The following DISP1 variants were observed in gnomAD, a reference collection of about 807,000 sequenced individuals.
DISP1 encodes the protein protein dispatched homolog 1.
A neutral mutation model predicts 37.3 loss-of-function variants in DISP1; 30 were observed. That is an observed-to-expected ratio of 0.80 (90% confidence interval 0.60 to 1.09). DISP1 has a LOEUF of 1.09. Ranked by LOEUF, DISP1 falls within the 50% of genes least tolerant of loss-of-function variation. DISP1 has a pLI of 0.00. For missense variants in DISP1, 1,598 were observed against 1,879.5 expected, an observed-to-expected ratio of 0.85 and a Z score of 2.77; for synonymous variants, 634 against 690.2, an observed-to-expected ratio of 0.92 and a Z score of 1.28.
chr1:222,874,633 C>T (rs1012631474), intron 1 of DISP1, among the ~76,000 whole-genome samples: 1 of 152,080 alleles, frequency 6.6e-6, no homozygotes, highest in Non-Finnish European at 1.5e-5. Context: ...GACTTCTCTG[C>T]ATTGGTTATT....
At chr1:222,828,858 A>G (rs1480533619) in intron 1 of DISP1, among the ~76,000 whole-genome samples, 3 of 152,220 alleles carry the variant, frequency 2.0e-5, no homozygotes, top group African/African-American at 7.2e-5. Context: ...AAGTACTTAA[A>G]TACAACAATT....
rs1054424270 is a variant in DISP1 at position 222,829,485 on chromosome 1, C to T, written c.-159+14407C>T. ...CATGAGATAGAGTCCTACTCTGTTG[C>T]CCAGGCTGGAGTGCAGTGGCACGAT... is the stretch of plus-strand genomic sequence containing the variant. On this transcript the variant is annotated intron_variant, in intron 1 of 8. Coordinates refer to ENST00000675850, the MANE Select transcript of DISP1 (RefSeq NM_001377229.1). Among the ~76,000 whole-genome samples the T allele has an allele frequency of 5.3e-5, 8 of 151,694 alleles. No individual in the cohort carries two copies. The South Asian group carries it at 1.2e-3, about 24-fold the overall frequency.
chr1:222,986,023 T>C (rs574050210), intron 4 of DISP1, among the ~76,000 whole-genome samples: 2 of 152,290 alleles, frequency 1.3e-5, no homozygotes, highest in African/African-American at 4.8e-5. Flanking sequence ...CAGAAAAGAA[T>C]ACACCAACGG....
chr1:222,979,509 T>C (rs1347272711), intron 3 of DISP1: 1 of 409,982 alleles, frequency 2.4e-6, no homozygotes, highest in East Asian at 7.3e-5. Flanking sequence ...AATTGTACAC[T>C]TAATTGGGTG....
chr1:222,902,766 A>G (rs112834948), intron 1 of DISP1, among the ~76,000 whole-genome samples: 26,714 of 152,018 alleles, frequency 0.18, 2,730 homozygotes, highest in Admixed American at 0.28. Flanking sequence ...ATCTCACACC[A>G]GTTAGAATGG....
At chr1:222,993,061 C>T (rs547539862) in intron 7 of DISP1, among the ~76,000 whole-genome samples, 2 of 152,018 alleles carry the variant, frequency 1.3e-5, no homozygotes, top group South Asian at 2.1e-4. Flanking sequence ...GGGGTTTCTC[C>T]ATCCGTGTTG....
chr1:222,981,288 C>T (rs1469220907), intron 3 of DISP1, among the ~76,000 whole-genome samples: 1 of 137,818 alleles, frequency 7.3e-6, no homozygotes, highest in Non-Finnish European at 1.6e-5. Context: ...ACTACAGCTC[C>T]ACTATTAAGA....
At chr1:222,843,489 G>C (rs1265970869) in intron 1 of DISP1, among the ~76,000 whole-genome samples, 1 of 149,924 alleles carries the variant, frequency 6.7e-6, no homozygotes, top group Non-Finnish European at 1.5e-5. Flanking sequence ...TTTACTGAGT[G>C]ATCTATATCC....
chr1:222,966,093 T>C (rs1271021341), intron 3 of DISP1, among the ~76,000 whole-genome samples: 1 of 152,088 alleles, frequency 6.6e-6, no homozygotes, highest in Non-Finnish European at 1.5e-5. Flanking sequence ...AGTATCAGAG[T>C]TAATTTTTAC....
chr1:222,865,478 C>G (rs1459296046), intron 1 of DISP1, among the ~76,000 whole-genome samples: 1 of 152,062 alleles, frequency 6.6e-6, no homozygotes, highest in Non-Finnish European at 1.5e-5. Context: ...AAAATCAGAA[C>G]ATTTAAAGCA....
chr1:222,815,687 G>T (rs549724946), intron 1 of DISP1, among the ~76,000 whole-genome samples: 2 of 152,162 alleles, frequency 1.3e-5, no homozygotes, highest in African/African-American at 4.8e-5. Flanking sequence ...GGGACCGCTC[G>T]AATTCTTGCT....
chr1:222,979,377 A>T (rs988859934), intron 3 of DISP1, among the ~76,000 whole-genome samples: 2 of 152,134 alleles, frequency 1.3e-5, no homozygotes, highest in African/African-American at 4.8e-5. Context: ...ACTGCACTCC[A>T]GCCTGGGTGA....
chr1:222,968,479 A>G (rs548158785), intron 3 of DISP1, among the ~76,000 whole-genome samples: 1 of 152,196 alleles, frequency 6.6e-6, no homozygotes, highest in East Asian at 1.9e-4. Flanking sequence ...ACTAGATGAC[A>G]TGAAACTATA....
intron 1 of DISP1, among the ~76,000 whole-genome samples, chr1:222,911,922 A>G (rs904700544): frequency 2.0e-5 from 3 of 152,208 alleles, no homozygotes; most frequent in Non-Finnish European, 4.4e-5. Flanking sequence ...AAACCAAATC[A>G]TGTTGCTTAT....
At chr1:222,896,178 G>A (rs751982642) in intron 1 of DISP1, among the ~76,000 whole-genome samples, 9 of 152,104 alleles carry the variant, frequency 5.9e-5, no homozygotes, top group South Asian at 4.2e-4. Context: ...GCATGGTGAT[G>A]CATGCCTGTG....
rs1678031176 is a variant in DISP1 at position 222,983,975 on chromosome 1, A to C, written c.539+866A>C. On this transcript the variant is annotated intron_variant, in intron 4 of 8. Transcript: ENST00000675850. Reference sequence around the variant, plus strand: ...GTGATCTTTGAAATTCAGTTGCCAAAGAAGCTCAAATGCTGATAACACTGA... The same window carrying C: ...GTGATCTTTGAAATTCAGTTGCCAACGAAGCTCAAATGCTGATAACACTGA... Among the ~76,000 whole-genome samples the C allele has an allele frequency of 3.9e-5, 6 of 152,226 alleles. 1 individual carries two copies. The South Asian group carries it at 1.2e-3, about 32-fold the overall frequency.
chr1:222,909,189 C>G (rs903543308), intron 1 of DISP1, among the ~76,000 whole-genome samples: 3 of 151,968 alleles, frequency 2.0e-5, no homozygotes, highest in African/African-American at 7.2e-5. Flanking sequence ...ACATTTATAT[C>G]TATAAATGTA....
At chr1:222,973,843 C>T (rs114168550) in intron 3 of DISP1, among the ~76,000 whole-genome samples, 1,822 of 152,292 alleles carry the variant, frequency 0.012, 40 homozygotes, top group African/African-American at 0.042. Flanking sequence ...CAATAAAGCA[C>T]GGGATCAAGT....
chr1:222,822,042 CCTCTTGTTTA>C (rs1663081145), intron 1 of DISP1, among the ~76,000 whole-genome samples: 1 of 152,136 alleles, frequency 6.6e-6, no homozygotes, highest in South Asian at 2.1e-4. Flanking sequence ...GTCAATTAAA[CCTCTTGTTTA>C]CTCTTGTTTG....
Sources: allele counts gnomAD v4.1 joint callset (sites outside exome capture counted in the v4.1 genomes callset), GRCh38; gene constraint gnomAD v4.1.1; transcripts MANE v1.5; gene names NCBI Gene and HGNC (gene_info 2026-07-23, HGNC 2026-07-21).